The following GNA14 variants were observed in gnomAD, a reference collection of about 807,000 sequenced individuals.
GNA14 encodes the protein guanine nucleotide-binding protein subunit alpha-14.
GNA14 carries 50 observed loss-of-function variants against 42.0 expected under a neutral mutation model. The observed-to-expected ratio is 1.19, with a 90% CI of 0.95 to 1.51. The LOEUF (loss-of-function observed/expected upper bound fraction) is 1.51. Among genes scored for constraint, GNA14 ranks in the 40% most tolerant of loss-of-function variants. GNA14 has a pLI of 0.00. For missense variants in GNA14, 473 were observed against 446.2 expected (o/e 1.06, Z -0.54); for synonymous variants, 173 against 163.1 (o/e 1.06, Z -0.46).
At chr9:77,478,533 G>T (rs1437323005) in intron 2 of GNA14, among the ~76,000 whole-genome samples, 17 of 150,976 alleles carry the variant, frequency 1.1e-4, no homozygotes, top group Admixed American at 3.3e-4. Context: ...AATCCTTTGG[G>T]TATATACCCA....
In GNA14 at chr9:77,584,602, A is replaced by C. The variant is rs537815269; in HGVS notation, c.125-55349T>G. Among the ~76,000 whole-genome samples, 71 of 138,710 alleles carry C rather than the reference A, an allele frequency of 5.1e-4. 2 individuals carry two copies. The highest frequency in any genetic ancestry group is 1.9e-4 in the Non-Finnish European group (12 of 64,238). The allele number at this position is 138,710 out of a possible 152,430, so 91.0% of individuals were successfully genotyped here. A position where few individuals can be genotyped will look rare whatever the true frequency, so the allele number is the denominator to read the frequency against. On this transcript the variant is annotated intron_variant, in intron 1 of 6. Coordinates refer to ENST00000341700, the MANE Select transcript of GNA14 (RefSeq NM_004297.4). ...ACTCAGATGATGCCAAGGGGCAGGG[A>C]GGTGTTACAGGAAAGTGGTCCAGAT...
chr9:77,591,047 CT>C (rs1184960743), intron 1 of GNA14, among the ~76,000 whole-genome samples: 1 of 152,194 alleles, frequency 6.6e-6, no homozygotes, highest in Non-Finnish European at 1.5e-5. Context: ...TTAAAGTCAT[CT>C]CATTTTTAGT....
At chr9:77,503,139 TG>T (rs1837001808) in intron 2 of GNA14, among the ~76,000 whole-genome samples, 1 of 152,192 alleles carries the variant, frequency 6.6e-6, no homozygotes, top group African/African-American at 2.4e-5. Flanking sequence ...GATTTTTAGT[TG>T]TACTTAGCAG....
chr9:77,436,868 A>G (rs1389433348), intron 2 of GNA14, among the ~76,000 whole-genome samples: 1 of 152,192 alleles, frequency 6.6e-6, no homozygotes, highest in African/African-American at 2.4e-5. Context: ...CACCTACCTA[A>G]CAAGACAGAA....
Position 77,425,574 on chromosome 9 carries a change from G to C in GNA14, c.865C>G (p.Pro289Ala), listed in dbSNP as rs1835440076. ...IMYSHLISYF[P>A]EYTGPKQDVR... ...GATAGACACTTACCTGTGTATTCTG[G>C]GAAATAGCTAATTAGATGAGAGTAC... The change falls in exon 6 of 7, where the codon CCA becomes GCA. Residue 289 changes from proline (P) to alanine (A), a missense_variant. Pro to Ala is a conservative substitution (Grantham distance 27, BLOSUM62 -1). Coordinates refer to ENST00000341700, the MANE Select transcript of GNA14 (RefSeq NM_004297.4). The C allele has an allele frequency of 6.2e-7, 1 of 1,604,662 alleles. No individual in the cohort carries two copies. The highest frequency in any genetic ancestry group is 1.3e-5 in the African/African-American group (1 of 74,440).
chr9:77,620,510 A>C (rs1236256591), intron 1 of GNA14, among the ~76,000 whole-genome samples: 1 of 152,236 alleles, frequency 6.6e-6, no homozygotes, highest in Non-Finnish European at 1.5e-5. Flanking sequence ...CAAATATCAT[A>C]ATATAATTAA....
intron 2 of GNA14, among the ~76,000 whole-genome samples, chr9:77,458,609 G>GC (rs199929992): frequency 0.014 from 2,144 of 152,248 alleles, 22 homozygotes; most frequent in South Asian, 0.03. Flanking sequence ...GTATAAGGAT[G>GC]CCCCACGTAT....
At chr9:77,478,238 G>A (rs866999142) in intron 2 of GNA14, among the ~76,000 whole-genome samples, 2 of 146,494 alleles carry the variant, frequency 1.4e-5, no homozygotes, top group East Asian at 2.0e-4. Context: ...CCATGTGTTC[G>A]CATTGTTCAA....
chr9:77,492,643 A>G (rs147451379), intron 2 of GNA14, among the ~76,000 whole-genome samples: 105 of 152,268 alleles, frequency 6.9e-4, no homozygotes, highest in Non-Finnish European at 1.2e-3. Flanking sequence ...CGCAATGTAT[A>G]GCATCTTAAC....
intron 1 of GNA14, among the ~76,000 whole-genome samples, chr9:77,548,109 C>T (rs981896596): frequency 6.6e-6 from 1 of 152,162 alleles, no homozygotes; most frequent in Non-Finnish European, 1.5e-5. Flanking sequence ...TAACAAAGTA[C>T]CTCATACTGG....
chr9:77,574,514 T>C (rs2440231), intron 1 of GNA14, among the ~76,000 whole-genome samples: 79,739 of 152,092 alleles, frequency 0.52, 24,409 homozygotes, highest in East Asian at 0.87. Context: ...ATATTACATA[T>C]ACTGTTTCTC....
chr9:77,593,835 C>CAA (rs1823424895), intron 1 of GNA14, among the ~76,000 whole-genome samples: 2 of 152,228 alleles, frequency 1.3e-5, no homozygotes, highest in South Asian at 2.1e-4. Flanking sequence ...GAAAGAAAAA[C>CAA]AAGTAGAAGT....
intron 1 of GNA14, among the ~76,000 whole-genome samples, chr9:77,540,747 T>C (rs780022698): frequency 2.0e-5 from 3 of 152,134 alleles, no homozygotes; most frequent in African/African-American, 4.8e-5. Context: ...TTTTGAAGTC[T>C]GTTTTACCTG....
chr9:77,639,037 A>T (rs2118026712), intron 1 of GNA14, among the ~76,000 whole-genome samples: 1 of 152,318 alleles, frequency 6.6e-6, no homozygotes, highest in Non-Finnish European at 1.5e-5. Context: ...TCATGATTCC[A>T]CTGTCTGAAA....
At chr9:77,454,715 G>A (rs907773338) in intron 2 of GNA14, among the ~76,000 whole-genome samples, 2 of 151,310 alleles carry the variant, frequency 1.3e-5, no homozygotes, top group East Asian at 1.9e-4. Context: ...CTGCAAATGT[G>A]AGTCAGTTTA....
At chr9:77,595,517 C>T (rs1000372103) in intron 1 of GNA14, among the ~76,000 whole-genome samples, 1 of 152,168 alleles carries the variant, frequency 6.6e-6, no homozygotes, top group Non-Finnish European at 1.5e-5. Flanking sequence ...GAGCCCTTCC[C>T]ACAGAGTTAG....
intron 2 of GNA14, among the ~76,000 whole-genome samples, chr9:77,446,966 A>ATTT (rs72399683): frequency 6.8e-6 from 1 of 146,180 alleles, no homozygotes; most frequent in Non-Finnish European, 1.5e-5. Flanking sequence ...TTCATGTACA[A>ATTT]TTTTTTTTTT....
At chr9:77,489,901 G>A (rs1221498749) in intron 2 of GNA14, among the ~76,000 whole-genome samples, 1 of 152,130 alleles carries the variant, frequency 6.6e-6, no homozygotes, top group African/African-American at 2.4e-5. Flanking sequence ...TGTGGAAGGG[G>A]ACCGGAGCAG....
intron 1 of GNA14, among the ~76,000 whole-genome samples, chr9:77,612,663 T>TAA (rs894428019): frequency 8.5e-5 from 12 of 140,682 alleles, no homozygotes; most frequent in African/African-American, 7.8e-5. Flanking sequence ...GGCTATTATT[T>TAA]AAAAAAAAAA....
Sources: gnomAD v4.1 joint callset for allele counts (sites outside exome capture counted in the v4.1 genomes callset) on GRCh38, gnomAD v4.1.1 for gene constraint, MANE v1.5 for transcripts, NCBI Gene and HGNC (gene_info 2026-07-23, HGNC 2026-07-21) for gene names.